HABP4: variants seen among roughly 807,000 people sequenced by gnomAD.
The protein encoded by HABP4 is hyaluronan binding protein 4.
HABP4 carries 32 observed loss-of-function variants against 44.1 expected under a neutral mutation model. The ratio of observed to expected loss-of-function variants is 0.73; its 90% CI spans 0.55 to 0.97. HABP4 has a LOEUF of 0.97. Ranked by LOEUF, HABP4 falls within the 50% of genes least tolerant of loss-of-function variation. The pLI is 0.00. For synonymous variants in HABP4, 216 were observed against 218.0 expected, an observed-to-expected ratio of 0.99 and a Z score of 0.08; for missense variants, 503 against 561.9, an observed-to-expected ratio of 0.90 and a Z score of 1.06.
intron 5 of HABP4, among the ~76,000 whole-genome samples, chr9:96,475,575 G>A (rs957382516): frequency 1.3e-5 from 2 of 152,162 alleles, no homozygotes; most frequent in African/African-American, 4.8e-5. Flanking sequence ...CCTGGCTCAT[G>A]TGCAGAGCCG....
intron 1 of HABP4, chr9:96,451,342 A>G (rs1402031182): frequency 8.9e-6 from 2 of 223,704 alleles, no homozygotes; most frequent in African/African-American, 2.3e-5. Flanking sequence ...AGCAAGAAAA[A>G]CCGGTGCGCA....
chr9:96,462,658 G>A (rs1832524357), intron 2 of HABP4, among the ~76,000 whole-genome samples: 1 of 151,922 alleles, frequency 6.6e-6, no homozygotes, highest in African/African-American at 2.4e-5. Flanking sequence ...GGGCACAGTG[G>A]CTTATACCCG....
intron 2 of HABP4, among the ~76,000 whole-genome samples, chr9:96,461,889 C>T (rs1414553639): frequency 6.6e-6 from 1 of 152,146 alleles, no homozygotes; most frequent in Non-Finnish European, 1.5e-5. Flanking sequence ...GGCACAGTGG[C>T]TCATGCCTGT....
At chr9:96,482,938 A>G (rs1832903989) in intron 5 of HABP4, 1 of 152,250 alleles carries the variant, frequency 6.6e-6, no homozygotes. Context: ...TATTATGAAT[A>G]GCACTGCAGT....
intron 2 of HABP4, among the ~76,000 whole-genome samples, chr9:96,464,042 G>A (rs536718781): frequency 6.6e-6 from 1 of 152,358 alleles, no homozygotes; most frequent in South Asian, 2.1e-4. Context: ...GAGTGCTGGT[G>A]CCCAGCGACG....
At chr9:96,477,912 A>G (rs1832808762) in intron 5 of HABP4, among the ~76,000 whole-genome samples, 3 of 152,284 alleles carry the variant, frequency 2.0e-5, no homozygotes, top group Non-Finnish European at 2.9e-5. Flanking sequence ...GTCACTACAG[A>G]TTAGTTTGCA....
At chr9:96,467,308 C>T (rs190474506) in intron 4 of HABP4, among the ~76,000 whole-genome samples, 78 of 151,792 alleles carry the variant, frequency 5.1e-4, no homozygotes, top group African/African-American at 1.7e-3. Context: ...AATGTAACAG[C>T]GTTAGATTTA....
chr9:96,481,242 T>C (rs944735671), intron 5 of HABP4, among the ~76,000 whole-genome samples: 2 of 151,976 alleles, frequency 1.3e-5, no homozygotes, highest in East Asian at 3.9e-4. Flanking sequence ...TACAGGCGTG[T>C]GCCACCACAC....
At position 96,471,007 on chromosome 9, in the gene HABP4, T is replaced by C; in HGVS notation, c.744-4T>C. 1 of 1,562,538 alleles carries C rather than the reference T, an allele frequency of 6.4e-7. No homozygotes were observed. ...TGACTAGAGAGGGTCTTGCTGTTTT[T>C]CAGTGATGTGGAGCCAACTGCACCG... On this transcript the variant is annotated splice_polypyrimidine_tract_variant and splice_region_variant and intron_variant, in intron 4 of 7. Transcript: ENST00000375249.
intron 5 of HABP4, chr9:96,484,193 T>TA: frequency 3.5e-6 from 1 of 282,464 alleles, no homozygotes; most frequent in South Asian, 7.5e-5. Context: ...TGGTGAAGTG[T>TA]GATGTTAATG....
intron 4 of HABP4, among the ~76,000 whole-genome samples, chr9:96,467,588 C>A (rs376352057): frequency 7.2e-6 from 1 of 139,404 alleles, no homozygotes; most frequent in African/African-American, 2.8e-5. Context: ...TGCAGTGGTG[C>A]GATCTCAGCT....
rs1020907761 is a variant in HABP4, at chr9:96,474,015, G to T, written c.827+2921G>T. 3.9e-5 allele frequency among the ~76,000 whole-genome samples: 6 copies of T among 152,150 alleles called. No individual in the cohort carries two copies. In the East Asian group the frequency reaches 1.2e-3, roughly 29 times the overall value. ...AACGTACCTACATTATAGGGTTCTT[G>T]TAAAGATTTTGTGTGTGTGCGTGCG... On this transcript the variant is annotated intron_variant, in intron 5 of 7. Coordinates refer to ENST00000375249, the MANE Select transcript of HABP4 (RefSeq NM_014282.4).
At chr9:96,489,631 C>T (rs1833047204) in intron 7 of HABP4, among the ~76,000 whole-genome samples, 1 of 152,242 alleles carries the variant, frequency 6.6e-6, no homozygotes, top group Non-Finnish European at 1.5e-5. Flanking sequence ...TCAGTTTCTC[C>T]AGCACCGTGA....
intron 5 of HABP4, among the ~76,000 whole-genome samples, chr9:96,481,436 T>C (rs1270418710): frequency 3.3e-5 from 5 of 152,040 alleles, no homozygotes; most frequent in African/African-American, 9.7e-5. Flanking sequence ...TCTCGTACTA[T>C]AGCACTCAAA....
chr9:96,451,533 G>T (rs1340465465), intron 1 of HABP4: 1 of 933,386 alleles, frequency 1.1e-6, no homozygotes, highest in African/African-American at 1.8e-5. Context: ...CATTCCTGCC[G>T]ACGTTTGCCA....
chr9:96,486,363 C>G (rs968620327), intron 6 of HABP4, among the ~76,000 whole-genome samples: 4 of 152,204 alleles, frequency 2.6e-5, no homozygotes, highest in African/African-American at 9.7e-5. Flanking sequence ...TGTTTTCTAA[C>G]TCCATTAGCA....
chr9:96,475,917 T>C (rs1832779014), intron 5 of HABP4, among the ~76,000 whole-genome samples: 1 of 152,264 alleles, frequency 6.6e-6, no homozygotes, highest in Admixed American at 6.5e-5. Flanking sequence ...TTAAATTCAT[T>C]TGTCCCAGTT....
Position 96,484,508 on chromosome 9 carries a change from A to C in HABP4, c.874A>C (p.Thr292Pro), listed in dbSNP as rs769979936. 1 of 1,577,116 alleles carries C rather than the reference A, an allele frequency of 6.3e-7. No individual in the cohort carries two copies. The highest frequency in any genetic ancestry group is 8.7e-7 in the Non-Finnish European group (1 of 1,146,904). The change falls in exon 6 of 8, where the codon ACT becomes CCT. Residue 292 changes from threonine (T) to proline (P), a missense_variant. By Grantham distance (38) the Thr-to-Pro change is conservative (BLOSUM62 -1). This residue lies in a region of HABP4 where 131 missense variants were observed against 189.8 expected (regional missense o/e 0.69). Transcript: ENST00000375249. ...VEEETQVQEM[T>P]LDEWKNLQEQ... ...AGAAGAAACCCAAGTTCAAGAGATGACTTTAGATGAGTGGAAAAATCTTCA... is the reference window on the plus strand; with the variant it reads ...AGAAGAAACCCAAGTTCAAGAGATGCCTTTAGATGAGTGGAAAAATCTTCA...
chr9:96,465,550 G>C (rs779679903), intron 3 of HABP4, 52 bp downstream of exon 3: 1 of 1,287,906 alleles, frequency 7.8e-7, no homozygotes, highest in Non-Finnish European at 1.1e-6. Flanking sequence ...TCAGCACGTG[G>C]TATGAATCTA....
Sources: allele counts gnomAD v4.1 joint callset (sites outside exome capture counted in the v4.1 genomes callset), GRCh38; gene constraint gnomAD v4.1.1; regional missense constraint gnomAD v4.1.1; transcripts MANE v1.5; gene names NCBI Gene and HGNC (gene_info 2026-07-23, HGNC 2026-07-21).